XKR9: variants seen among roughly 807,000 people sequenced by gnomAD.
XKR9 encodes the protein XK related 9.
In XKR9, 32 loss-of-function variants were observed where a neutral mutation model predicts 32.0. The ratio of observed to expected loss-of-function variants is 1.00; its 90% CI spans 0.76 to 1.34. The LOEUF (loss-of-function observed/expected upper bound fraction) is 1.34. Among genes scored for constraint, XKR9 ranks in the 40% most tolerant of loss-of-function variants. The pLI, the probability that XKR9 is intolerant of heterozygous loss-of-function variation, is 0.00. For missense variants in XKR9, 546 were observed against 429.7 expected (o/e 1.27, Z -2.39); for synonymous variants, 168 against 143.4 (o/e 1.17, Z -1.22).
chr8:70,780,950 C>T (rs1408804872), intron 2 of XKR9: 1 of 151,374 alleles, frequency 6.6e-6, no homozygotes. Flanking sequence ...GAGTTGTATA[C>T]CAACTTCAGT....
chr8:70,933,690 C>T, the XKR9 span, among the ~76,000 whole-genome samples: 1 of 151,940 alleles, frequency 6.6e-6, no homozygotes, highest in Non-Finnish European at 1.5e-5. Context: ...ATGCCTAATC[C>T]CAGACTGAGT....
At chr8:70,704,276 T>G (rs1393093372) in intron 3 of XKR9, among the ~76,000 whole-genome samples, 1 of 152,158 alleles carries the variant, frequency 6.6e-6, no homozygotes, top group Admixed American at 6.5e-5. Flanking sequence ...TCATATTCCT[T>G]TTTCCATGAA....
chr8:70,873,692 A>G, the XKR9 span, among the ~76,000 whole-genome samples: 1 of 152,208 alleles, frequency 6.6e-6, no homozygotes, highest in Non-Finnish European at 1.5e-5. Context: ...CTTGAGATGA[A>G]TCTACTGGTG....
intron 2 of XKR9, among the ~76,000 whole-genome samples, chr8:70,756,393 C>G (rs961809055): frequency 4.6e-5 from 7 of 152,138 alleles, no homozygotes; most frequent in Non-Finnish European, 1.0e-4. Context: ...TTGTCACTTT[C>G]TACAGAGAAA....
intron 3 of XKR9, among the ~76,000 whole-genome samples, chr8:70,705,657 G>A (rs1228700973): frequency 6.6e-6 from 1 of 152,132 alleles, no homozygotes; most frequent in Admixed American, 6.6e-5. Context: ...AGACCATGGA[G>A]GGCCTTGTAA....
At chr8:70,701,846 T>A (rs1027476719) in intron 3 of XKR9, among the ~76,000 whole-genome samples, 1 of 152,192 alleles carries the variant, frequency 6.6e-6, no homozygotes, top group Non-Finnish European at 1.5e-5. Flanking sequence ...TTCCAGAATA[T>A]AAATTAAATG....
At chr8:70,776,947 C>CTCTCTCTCTCTCTCTATATATATATATA in intron 2 of XKR9, among the ~76,000 whole-genome samples, 39 of 54,190 alleles carry the variant, frequency 7.2e-4, no homozygotes, top group African/African-American at 2.3e-3. Flanking sequence ...CTCTCTCTCT[C>CTCTCTCTCTCTCTCTATATATATATATA]TATATATATA....
the XKR9 span, among the ~76,000 whole-genome samples, chr8:71,035,856 T>C: frequency 6.6e-6 from 1 of 152,136 alleles, no homozygotes; most frequent in African/African-American, 2.4e-5. Context: ...TTAAAGTAGG[T>C]CATAATACCC....
the XKR9 span, among the ~76,000 whole-genome samples, chr8:70,895,595 C>A: frequency 6.6e-6 from 1 of 151,880 alleles, no homozygotes; most frequent in Admixed American, 6.6e-5. Context: ...TTTTCTTCAC[C>A]CCCATCTTAA....
the XKR9 span, among the ~76,000 whole-genome samples, chr8:70,939,825 T>C: frequency 5.9e-5 from 9 of 152,116 alleles, no homozygotes; most frequent in African/African-American, 2.2e-4. Context: ...GGAAATACCA[T>C]GCAACAACAA....
At chr8:70,717,604 G>A (rs2132206479) in intron 4 of XKR9, among the ~76,000 whole-genome samples, 1 of 152,298 alleles carries the variant, frequency 6.6e-6, no homozygotes, top group Middle Eastern at 3.4e-3. Flanking sequence ...GCATAGAGCA[G>A]GGGGCTCCTG....
the XKR9 span, among the ~76,000 whole-genome samples, chr8:71,051,178 G>A: frequency 6.6e-6 from 1 of 152,116 alleles, no homozygotes; most frequent in East Asian, 1.9e-4. Flanking sequence ...ATTCTTCAAT[G>A]GGCTTACTGT....
At chr8:71,023,969 G>T in the XKR9 span, among the ~76,000 whole-genome samples, 1 of 152,126 alleles carries the variant, frequency 6.6e-6, no homozygotes, top group Non-Finnish European at 1.5e-5. Flanking sequence ...GGTCCCTAGT[G>T]GTGTATACAT....
the XKR9 span, among the ~76,000 whole-genome samples, chr8:70,809,833 C>A: frequency 1.3e-5 from 2 of 152,138 alleles, no homozygotes; most frequent in African/African-American, 4.8e-5. Context: ...CTTAAAGTGA[C>A]AGGGAGAATG....
the XKR9 span, among the ~76,000 whole-genome samples, chr8:71,019,150 T>TA: frequency 6.6e-6 from 1 of 152,094 alleles, no homozygotes; most frequent in South Asian, 2.1e-4. Flanking sequence ...CTTTTTTTTT[T>TA]AAACTACTGT....
chr8:70,814,018 C>G, the XKR9 span, among the ~76,000 whole-genome samples: 1 of 152,110 alleles, frequency 6.6e-6, no homozygotes, highest in East Asian at 1.9e-4. Flanking sequence ...GCATTATTCA[C>G]AATAGCAAAG....
chr8:70,837,345 C>T, the XKR9 span, among the ~76,000 whole-genome samples: 2 of 152,182 alleles, frequency 1.3e-5, no homozygotes, highest in East Asian at 1.9e-4. Context: ...GGGTTTAAGA[C>T]ATAGTTTCTA....
the XKR9 span, among the ~76,000 whole-genome samples, chr8:70,874,489 T>C: frequency 6.6e-6 from 1 of 152,200 alleles, no homozygotes; most frequent in Non-Finnish European, 1.5e-5. Context: ...CTAGAGACTC[T>C]TTGTATTGCA....
downstream of XKR9, among the ~76,000 whole-genome samples, chr8:70,738,390 A>G (rs1806902423): frequency 1.3e-5 from 2 of 148,278 alleles, no homozygotes; most frequent in South Asian, 4.3e-4. Context: ...CTAGCGGTCT[A>G]TCAATTTTGT....
Sources: gnomAD v4.1 joint callset for allele counts (sites outside exome capture counted in the v4.1 genomes callset) on GRCh38, gnomAD v4.1.1 for gene constraint, MANE v1.5 for transcripts, NCBI Gene and HGNC (gene_info 2026-07-23, HGNC 2026-07-21) for gene names.